Variants in N4BP2 observed in about 807,000 individuals in gnomAD.
The protein encoded by N4BP2 is NEDD4 binding protein 2.
N4BP2 carries 91 observed loss-of-function variants against 152.8 expected under a neutral mutation model. That is an observed-to-expected ratio of 0.60 (90% CI 0.50 to 0.71). The LOEUF is 0.71. Among genes scored for constraint, N4BP2 ranks in the 30% least tolerant of loss-of-function variants. The pLI is 0.00. For missense variants in N4BP2, 1,923 were observed against 2,059.1 expected, an observed-to-expected ratio of 0.93 and a Z score of 1.28; for synonymous variants, 646 against 705.3, an observed-to-expected ratio of 0.92 and a Z score of 1.33.
chr4:40,183,585 C>A, the N4BP2 span, among the ~76,000 whole-genome samples: 2 of 152,234 alleles, frequency 1.3e-5, no homozygotes, highest in Admixed American at 6.5e-5. Flanking sequence ...ATCCGCCCGC[C>A]TCGGCCTCCC....
intron 1 of N4BP2, among the ~76,000 whole-genome samples, chr4:40,072,645 C>A (rs141779954): frequency 1.4e-4 from 22 of 152,096 alleles, no homozygotes; most frequent in African/African-American, 5.3e-4. Flanking sequence ...CTGTACCCCC[C>A]CAGGCCTCCC....
chr4:40,177,569 T>A, the N4BP2 span, among the ~76,000 whole-genome samples: 1 of 152,158 alleles, frequency 6.6e-6, no homozygotes, highest in Non-Finnish European at 1.5e-5. Flanking sequence ...TGAGCTGAGA[T>A]CAAGCCACTG....
intron 2 of N4BP2, among the ~76,000 whole-genome samples, chr4:40,081,504 G>A (rs1362095958): frequency 6.6e-6 from 1 of 151,914 alleles, no homozygotes; most frequent in Non-Finnish European, 1.5e-5. Flanking sequence ...AAATTAATGG[G>A]GTGTGGTGCC....
At chr4:40,179,017 C>G in the N4BP2 span, among the ~76,000 whole-genome samples, 2 of 151,984 alleles carry the variant, frequency 1.3e-5, no homozygotes, top group African/African-American at 2.4e-5. Flanking sequence ...AGCATAAGAC[C>G]ATTATAAGGA....
the N4BP2 span, among the ~76,000 whole-genome samples, chr4:40,189,991 A>G: frequency 3.3e-5 from 5 of 152,274 alleles, no homozygotes; most frequent in African/African-American, 1.2e-4. The surrounding 1 kb of genome is among the most constrained non-coding windows in gnomAD (Gnocchi z 4.3). Context: ...ATATTTTTTA[A>G]AAGACTTTAC....
intron 16 of N4BP2, among the ~76,000 whole-genome samples, chr4:40,146,920 T>A (rs560720869): frequency 2.0e-4 from 31 of 151,558 alleles, no homozygotes; most frequent in African/African-American, 6.8e-4. Flanking sequence ...TTTTATTTTT[T>A]TATTTTTTTT....
the N4BP2 span, among the ~76,000 whole-genome samples, chr4:40,164,737 C>T: frequency 6.6e-6 from 1 of 152,208 alleles, no homozygotes; most frequent in Admixed American, 6.5e-5. Context: ...CAGTTCTTTG[C>T]AGCGGGACCT....
the N4BP2 span, among the ~76,000 whole-genome samples, chr4:40,186,690 C>T: frequency 2.0e-5 from 3 of 152,164 alleles, no homozygotes; most frequent in Admixed American, 6.5e-5. Context: ...TGAGCATGTT[C>T]CCATGTCATT....
At chr4:40,082,010 G>A (rs900433097) in intron 2 of N4BP2, among the ~76,000 whole-genome samples, 1 of 152,128 alleles carries the variant, frequency 6.6e-6, no homozygotes, top group African/African-American at 2.4e-5. Context: ...TATTCGGGAG[G>A]CTGAGACAGG....
chr4:40,178,228 G>A, the N4BP2 span, among the ~76,000 whole-genome samples: 1 of 152,102 alleles, frequency 6.6e-6, no homozygotes, highest in Non-Finnish European at 1.5e-5. Flanking sequence ...GCTCAGAAAT[G>A]TGTACAATCT....
chr4:40,121,652 C>A lies in N4BP2; in HGVS notation c.3541C>A (p.His1181Asn). Residue 1181 changes from histidine to asparagine, a missense_variant, in exon 9 of 18, where the codon CAT (histidine) becomes AAT (asparagine). By Grantham distance (68) the His-to-Asn change is moderately conservative. Transcript: ENST00000261435. ...TAATTCTCCTGTGCCAGAGTTTAGCCATGGGATTGGTATTAGTAACGCTGA... is the reference window on the plus strand; with the variant it reads ...TAATTCTCCTGTGCCAGAGTTTAGCAATGGGATTGGTATTAGTAACGCTGA... ...NSNSPVPEFS[H>N]GIGISNADSQ... 1 of 1,614,038 alleles carries A rather than the reference C, an allele frequency of 6.2e-7. No homozygotes were observed. Among genetic ancestry groups the A allele is most frequent in the Non-Finnish European group, 8.5e-7 (1 of 1,180,012 alleles).
intron 2 of N4BP2, among the ~76,000 whole-genome samples, chr4:40,081,420 C>T (rs902946447): frequency 7.2e-5 from 11 of 151,812 alleles, no homozygotes; most frequent in African/African-American, 2.2e-4. Flanking sequence ...CCGAGGTGGG[C>T]GGATTACCTG....
chr4:40,116,645 ACT>A (rs1717365338), intron 7 of N4BP2, among the ~76,000 whole-genome samples: 1 of 151,958 alleles, frequency 6.6e-6, no homozygotes, highest in Non-Finnish European at 1.5e-5. Flanking sequence ...GTTTATTTTC[ACT>A]TATTCATCTA....
intron 1 of N4BP2, among the ~76,000 whole-genome samples, chr4:40,071,781 G>A (rs972836447): frequency 2.0e-5 from 3 of 152,166 alleles, no homozygotes; most frequent in Non-Finnish European, 4.4e-5. Flanking sequence ...GGCCAGGCTG[G>A]TCTTGAACTC....
At chr4:40,173,848 C>CTT in the N4BP2 span, among the ~76,000 whole-genome samples, 1 of 152,182 alleles carries the variant, frequency 6.6e-6, no homozygotes, top group South Asian at 2.1e-4. Flanking sequence ...CTGTCCTCTC[C>CTT]TTTTACCTCC....
At chr4:40,072,625 C>T (rs919439756) in intron 1 of N4BP2, among the ~76,000 whole-genome samples, 1 of 151,582 alleles carries the variant, frequency 6.6e-6, no homozygotes, top group African/African-American at 2.4e-5. Flanking sequence ...TGAGCTCAGG[C>T]AATCCCTCCC....
chr4:40,146,964 G>A (rs893848418), intron 16 of N4BP2, among the ~76,000 whole-genome samples: 3 of 147,724 alleles, frequency 2.0e-5, no homozygotes, highest in Non-Finnish European at 4.5e-5. Context: ...CGCAGAGGGG[G>A]ATTTGGCAGG....
the N4BP2 span, among the ~76,000 whole-genome samples, chr4:40,168,123 T>G: frequency 6.6e-6 from 1 of 151,908 alleles, no homozygotes; most frequent in Non-Finnish European, 1.5e-5. Flanking sequence ...AAGGAATAAA[T>G]TGTAACTTGA....
intron 14 of N4BP2, chr4:40,142,110 G>GTCT (rs1720053849): frequency 6.1e-6 from 1 of 164,472 alleles, no homozygotes; most frequent in African/African-American, 2.4e-5. Flanking sequence ...GTGGGGAGAG[G>GTCT]GAGAGGGAGA....
Sources: allele counts gnomAD v4.1 joint callset (sites outside exome capture counted in the v4.1 genomes callset), GRCh38; gene constraint gnomAD v4.1.1; non-coding constraint Gnocchi (gnomAD v3.1); transcripts MANE v1.5; gene names NCBI Gene and HGNC (gene_info 2026-07-23, HGNC 2026-07-21).